Variants in AGBL1 observed in about 807,000 individuals in gnomAD.
The protein encoded by AGBL1 is AGBL carboxypeptidase 1.
In AGBL1, 130 loss-of-function variants were observed where a neutral mutation model predicts 118.9. The ratio of observed to expected loss-of-function variants is 1.09; its 90% confidence interval spans 0.95 to 1.26. The LOEUF is 1.26. Ranked by LOEUF, AGBL1 falls within the 50% of genes most tolerant of loss-of-function variation. The probability of loss-of-function intolerance (pLI) is 0.00; values close to 1 mark genes in which losing one functional copy is unlikely to be tolerated. For synonymous variants in AGBL1, 555 were observed against 478.9 expected (o/e 1.16, Z -2.08); for missense variants, 1,584 against 1,298.1 (o/e 1.22, Z -3.38).
rs114250407 is a variant in AGBL1 at position 86,701,216 on chromosome 15, G to T, written c.3158+26780G>T. Among the ~76,000 whole-genome samples the T allele has an allele frequency of 2.3e-3, 344 of 152,188 alleles. 2 individuals carry two copies. Among genetic ancestry groups the T allele is most frequent in the African/African-American group, 8.0e-3 (333 of 41,538 alleles). ...GTGCTCTTTATAAAGTAAGGAAATGGAGTAATTATCACAGAGAAGGAGACA... is the reference window on the plus strand; with the variant it reads ...GTGCTCTTTATAAAGTAAGGAAATGTAGTAATTATCACAGAGAAGGAGACA... On this transcript the variant is annotated intron_variant, in intron 22 of 22. Transcript: ENST00000614907.
intron 23 of AGBL1, among the ~76,000 whole-genome samples, chr15:86,951,669 A>C (rs2080881808): frequency 6.6e-6 from 1 of 152,196 alleles, no homozygotes. Flanking sequence ...TGAGACACAA[A>C]GGGAAACTTT....
intron 22 of AGBL1, among the ~76,000 whole-genome samples, chr15:86,731,971 ATCTGCAGTCAC>A (rs1290519454): frequency 6.6e-6 from 1 of 152,164 alleles, no homozygotes; most frequent in African/African-American, 2.4e-5. Context: ...AAGGGCACTG[ATCTGCAGTCAC>A]TCTGCTTTGT....
intron 17 of AGBL1, among the ~76,000 whole-genome samples, chr15:86,343,796 T>C (rs1050581597): frequency 1.8e-4 from 28 of 152,316 alleles, no homozygotes; most frequent in African/African-American, 5.8e-4. Context: ...TTCTCTAGAA[T>C]GTGACCAGCA....
chr15:86,869,129 T>C (rs2141498251), intron 22 of AGBL1, among the ~76,000 whole-genome samples: 1 of 152,340 alleles, frequency 6.6e-6, no homozygotes, highest in East Asian at 1.9e-4. Flanking sequence ...TCTATGAAAC[T>C]GTGCTTGCAC....
intron 24 of AGBL1, among the ~76,000 whole-genome samples, chr15:87,024,938 G>C (rs2081709891): frequency 6.6e-6 from 1 of 151,942 alleles, no homozygotes; most frequent in South Asian, 2.1e-4. Flanking sequence ...ATCCCTTTAT[G>C]ATTAAAACTC....
chr15:86,632,292 A>AAAAAAG (rs5814256), intron 21 of AGBL1, among the ~76,000 whole-genome samples: 1 of 149,316 alleles, frequency 6.7e-6, no homozygotes, highest in Non-Finnish European at 1.5e-5. Flanking sequence ...AAAAAAAAAA[A>AAAAAAG]GGCTGGCCAG....
intron 23 of AGBL1, among the ~76,000 whole-genome samples, chr15:86,931,557 G>C (rs1017405205): frequency 1.5e-5 from 2 of 133,854 alleles, no homozygotes; most frequent in Non-Finnish European, 3.2e-5. Context: ...AAAATGAATA[G>C]TGGTGCTTTT....
At chr15:86,129,017 T>C (rs1277096537) in intron 1 of AGBL1, among the ~76,000 whole-genome samples, 3 of 152,146 alleles carry the variant, frequency 2.0e-5, no homozygotes, top group Admixed American at 2.0e-4. Flanking sequence ...ACACTGACAA[T>C]AAAACGAACA....
At chr15:86,285,119 G>A (rs2079420795) in intron 16 of AGBL1, among the ~76,000 whole-genome samples, 1 of 152,122 alleles carries the variant, frequency 6.6e-6, no homozygotes, top group East Asian at 1.9e-4. Flanking sequence ...TCATTTTTAG[G>A]AGAACAGGAC....
At chr15:86,747,516 A>T (rs894770903) in intron 22 of AGBL1, among the ~76,000 whole-genome samples, 48 of 152,316 alleles carry the variant, frequency 3.2e-4, no homozygotes, top group African/African-American at 1.2e-3. Flanking sequence ...TCTAGGGTAC[A>T]TGTGCACAAC....
At chr15:86,720,571 A>G (rs901201282) in intron 22 of AGBL1, among the ~76,000 whole-genome samples, 3 of 152,192 alleles carry the variant, frequency 2.0e-5, no homozygotes, top group African/African-American at 4.8e-5. Flanking sequence ...TCAGTTCCTC[A>G]GCTTTTCATT....
chr15:86,534,360 T>C lies in AGBL1; in HGVS notation c.2685+11421T>C, dbSNP rs1596237252. On this transcript the variant is annotated intron_variant, in intron 19 of 22. Coordinates refer to ENST00000614907, the MANE Select transcript of AGBL1 (RefSeq NM_001386094.1). ...GACTTGCATGAAGAAGAGTTTCCCT[T>C]GGATTTTATTCTAGTAAGGCTGAGA... 2.0e-5 allele frequency among the ~76,000 whole-genome samples: 3 copies of C among 152,294 alleles called. No individual in the cohort carries two copies. In the East Asian group the frequency reaches 5.8e-4, roughly 29 times the overall value.
intron 22 of AGBL1, among the ~76,000 whole-genome samples, chr15:86,779,148 T>C (rs1368492209): frequency 6.6e-6 from 1 of 152,160 alleles, no homozygotes; most frequent in Non-Finnish European, 1.5e-5. Flanking sequence ...CTATTCTTAT[T>C]ATCACACATC....
At chr15:86,375,482 C>G (rs2081030160) in intron 17 of AGBL1, among the ~76,000 whole-genome samples, 1 of 152,084 alleles carries the variant, frequency 6.6e-6, no homozygotes, top group African/African-American at 2.4e-5. Context: ...GATTACAGTT[C>G]AAGATGAGAT....
intron 19 of AGBL1, among the ~76,000 whole-genome samples, chr15:86,537,214 A>T (rs998087221): frequency 6.6e-6 from 1 of 152,196 alleles, no homozygotes; most frequent in African/African-American, 2.4e-5. Flanking sequence ...GACAATATAG[A>T]AGCCTTGTTA....
intron 23 of AGBL1, among the ~76,000 whole-genome samples, chr15:86,985,693 C>T (rs2081274495): frequency 6.6e-6 from 1 of 151,838 alleles, no homozygotes; most frequent in Non-Finnish European, 1.5e-5. Context: ...TCTCATTGTC[C>T]CAGTGGTGGT....
intron 1 of AGBL1, 101 bp downstream of exon 1, chr15:86,080,124 G>A: frequency 1.1e-6 from 1 of 948,500 alleles, no homozygotes; most frequent in Non-Finnish European, 1.4e-6. Flanking sequence ...GCAGTCACTG[G>A]CCCAGTTTGT....
At chr15:86,632,579 G>A (rs1361813465) in intron 21 of AGBL1, among the ~76,000 whole-genome samples, 1 of 151,738 alleles carries the variant, frequency 6.6e-6, no homozygotes, top group Non-Finnish European at 1.5e-5. Context: ...AAGATTCTCA[G>A]ATTCTCTCAC....
intron 6 of AGBL1, among the ~76,000 whole-genome samples, chr15:86,240,543 A>G (rs1388258111): frequency 6.6e-6 from 1 of 152,140 alleles, no homozygotes; most frequent in Non-Finnish European, 1.5e-5. Context: ...GTGGAGTCCT[A>G]TTTGGGATCA....
Sources: allele counts gnomAD v4.1 joint callset (sites outside exome capture counted in the v4.1 genomes callset), GRCh38; gene constraint gnomAD v4.1.1; transcripts MANE v1.5; gene names NCBI Gene and HGNC (gene_info 2026-07-23, HGNC 2026-07-21).